The following ASIC2 variants were observed in gnomAD, a reference collection of about 807,000 sequenced individuals.
The protein encoded by ASIC2 is acid sensing ion channel subunit 2, also known as acid-sensing ion channel 2.
A neutral mutation model predicts 57.3 loss-of-function variants in ASIC2; 25 were observed. That is an observed-to-expected ratio of 0.44 (90% CI 0.32 to 0.61). The LOEUF is 0.61. Ranked by LOEUF, ASIC2 falls within the 20% of genes least tolerant of loss-of-function variation. ASIC2 has a pLI of 0.06. For missense variants in ASIC2, 641 were observed against 738.1 expected (o/e 0.87, Z 1.52); for synonymous variants, 319 against 307.5 (o/e 1.04, Z -0.39).
At chr17:33,761,148 C>G (rs1248043914) in intron 1 of ASIC2, among the ~76,000 whole-genome samples, 1 of 152,186 alleles carries the variant, frequency 6.6e-6, no homozygotes, top group Non-Finnish European at 1.5e-5. Flanking sequence ...CCTTTCCCAC[C>G]AATTCTCTAT....
At chr17:33,117,454 G>T (rs546478159) in intron 1 of ASIC2, among the ~76,000 whole-genome samples, 15 of 152,296 alleles carry the variant, frequency 9.8e-5, no homozygotes, top group Admixed American at 3.9e-4. Flanking sequence ...GGGATTACAG[G>T]CATGAGCCAC....
intron 1 of ASIC2, among the ~76,000 whole-genome samples, chr17:33,710,172 A>G (rs1003616126): frequency 6.6e-6 from 1 of 152,222 alleles, no homozygotes; most frequent in Non-Finnish European, 1.5e-5. Flanking sequence ...GTCACTGCCA[A>G]CGGCAAGCCA....
intron 1 of ASIC2, among the ~76,000 whole-genome samples, chr17:33,876,015 T>C (rs1264730027): frequency 1.3e-5 from 2 of 151,986 alleles, no homozygotes; most frequent in African/African-American, 2.4e-5. Flanking sequence ...ATATTTAAAA[T>C]AAAAAAATAA....
chr17:33,775,726 A>G (rs938617189), intron 1 of ASIC2, among the ~76,000 whole-genome samples: 2 of 152,132 alleles, frequency 1.3e-5, no homozygotes, highest in African/African-American at 2.4e-5. Context: ...TGATGCTGCA[A>G]TTCTTTGTCC....
intron 1 of ASIC2, among the ~76,000 whole-genome samples, chr17:33,557,870 T>A (rs1567649519): frequency 1.3e-5 from 2 of 152,330 alleles, no homozygotes; most frequent in South Asian, 4.1e-4. Flanking sequence ...TAATCTATCA[T>A]CATTATCTCT....
intron 1 of ASIC2, among the ~76,000 whole-genome samples, chr17:33,267,427 A>G (rs1909504534): frequency 6.6e-6 from 1 of 152,226 alleles, no homozygotes; most frequent in Non-Finnish European, 1.5e-5. Context: ...AATCTGATAT[A>G]ATCTGACTGT....
chr17:33,982,114 T>C (rs1905647866), intron 1 of ASIC2, among the ~76,000 whole-genome samples: 2 of 152,180 alleles, frequency 1.3e-5, no homozygotes, highest in Admixed American at 6.5e-5. Context: ...AGACTGGGCC[T>C]GCTTTGGGGC....
At chr17:33,677,859 G>A (rs1463722187) in intron 1 of ASIC2, among the ~76,000 whole-genome samples, 1 of 152,178 alleles carries the variant, frequency 6.6e-6, no homozygotes, top group East Asian at 1.9e-4. Context: ...ACGTAACAAA[G>A]GATTGAGCAT....
rs1256776163 is a variant in ASIC2 at position 33,293,207 on chromosome 17, G to A, written c.-1092C>T. Among the ~76,000 whole-genome samples, 1 of 152,094 alleles carries A rather than the reference G, an allele frequency of 6.6e-6. No individual in the cohort carries two copies. The highest frequency in any genetic ancestry group is 1.5e-5 in the Non-Finnish European group (1 of 68,004). ...GGTTGCCCGGGAGAACCCTCTTTGG[G>A]CCCCAGGCGAACTTGGGCAGCGGCC... On this transcript the variant is annotated 5_prime_UTR_variant, in exon 1 of 10. Transcript: ENST00000225823.
At chr17:33,171,707 T>G (rs1731328821) in intron 1 of ASIC2, among the ~76,000 whole-genome samples, 1 of 152,218 alleles carries the variant, frequency 6.6e-6, no homozygotes, top group African/African-American at 2.4e-5. Context: ...GTCCTCAGAC[T>G]AGAAATAGAA....
intron 1 of ASIC2, among the ~76,000 whole-genome samples, chr17:33,731,298 A>C (rs16968813): frequency 0.11 from 16,936 of 152,250 alleles, 951 homozygotes; most frequent in Middle Eastern, 0.21. Context: ...GCTTTAGGAC[A>C]GACATTGCCA....
At chr17:33,596,395 T>C (rs1199652882) in intron 1 of ASIC2, among the ~76,000 whole-genome samples, 2 of 152,332 alleles carry the variant, frequency 1.3e-5, no homozygotes, top group East Asian at 3.9e-4. Context: ...CAAATTATTT[T>C]TACATTCCAA....
intron 1 of ASIC2, among the ~76,000 whole-genome samples, chr17:33,385,674 T>G (rs1220939859): frequency 6.6e-6 from 1 of 152,228 alleles, no homozygotes; most frequent in Non-Finnish European, 1.5e-5. Context: ...GAGTGAAAAG[T>G]TCTGCAACTC....
intron 1 of ASIC2, among the ~76,000 whole-genome samples, chr17:33,891,843 G>A (rs370681527): frequency 2.2e-4 from 34 of 152,308 alleles, no homozygotes; most frequent in African/African-American, 7.7e-4. Context: ...ACATCCCACA[G>A]CAAACAAATT....
At chr17:33,331,881 C>T (rs553156666) in intron 1 of ASIC2, among the ~76,000 whole-genome samples, 40 of 152,266 alleles carry the variant, frequency 2.6e-4, no homozygotes, top group East Asian at 1.9e-4. Flanking sequence ...TAGGCAACTG[C>T]GAATAGGACA....
intron 1 of ASIC2, among the ~76,000 whole-genome samples, chr17:33,951,791 A>T (rs1476235846): frequency 1.4e-5 from 2 of 147,924 alleles, no homozygotes; most frequent in African/African-American, 5.0e-5. Flanking sequence ...ACAGGGTTTC[A>T]TCATGTTGGC....
intron 1 of ASIC2, among the ~76,000 whole-genome samples, chr17:33,391,822 T>C (rs1909901657): frequency 6.6e-6 from 1 of 152,252 alleles, no homozygotes; most frequent in South Asian, 2.1e-4. Context: ...GCTTTAATTA[T>C]ATTTTCTTAT....
intron 1 of ASIC2, among the ~76,000 whole-genome samples, chr17:33,598,940 C>T (rs1905053853): frequency 6.6e-6 from 1 of 152,172 alleles, no homozygotes; most frequent in Admixed American, 6.5e-5. Flanking sequence ...AGGAATGTGT[C>T]TTGCTGGAAA....
chr17:33,802,345 A>G (rs1912154948), intron 1 of ASIC2, among the ~76,000 whole-genome samples: 1 of 152,226 alleles, frequency 6.6e-6, no homozygotes, highest in African/African-American at 2.4e-5. Context: ...AGTAGACTCT[A>G]TGATAATTAC....
Sources: gnomAD v4.1 joint callset for allele counts (sites outside exome capture counted in the v4.1 genomes callset) on GRCh38, gnomAD v4.1.1 for gene constraint, MANE v1.5 for transcripts, NCBI Gene and HGNC (gene_info 2026-07-23, HGNC 2026-07-21) for gene names.